TLL1: variants seen among roughly 807,000 people sequenced by gnomAD.
The protein encoded by TLL1 is tolloid-like protein 1.
TLL1 carries 49 observed loss-of-function variants against 128.2 expected under a neutral mutation model. The observed-to-expected ratio is 0.38, with a 90% CI of 0.30 to 0.48. The LOEUF (loss-of-function observed/expected upper bound fraction) is 0.48, where lower values mean the gene tolerates loss of function less well. TLL1 is among the 20% of genes least tolerant of loss of function. TLL1 has a pLI of 0.96. For synonymous variants in TLL1, 454 were observed against 418.8 expected (o/e 1.08, Z -1.03); for missense variants, 1,123 against 1,242.0 (o/e 0.90, Z 1.44).
intron 1 of TLL1, among the ~76,000 whole-genome samples, chr4:165,929,321 G>A (rs1284157508): frequency 6.6e-6 from 1 of 152,058 alleles, no homozygotes; most frequent in East Asian, 1.9e-4. Flanking sequence ...GGCGGATCAC[G>A]AGGTCAAGAG....
intron 1 of TLL1, among the ~76,000 whole-genome samples, chr4:165,954,809 T>C (rs1734701288): frequency 6.6e-6 from 1 of 152,056 alleles, no homozygotes; most frequent in African/African-American, 2.4e-5. Context: ...CCCCATCCAA[T>C]TGACAGCAAC....
At chr4:166,087,995 T>C (rs1196090669) in intron 18 of TLL1, among the ~76,000 whole-genome samples, 2 of 152,150 alleles carry the variant, frequency 1.3e-5, no homozygotes, top group Non-Finnish European at 2.9e-5. Context: ...CCTGAAATTA[T>C]AGAAATATAA....
intron 1 of TLL1, among the ~76,000 whole-genome samples, chr4:165,878,365 A>AT (rs112754677): frequency 0.044 from 6,542 of 147,630 alleles, 435 homozygotes; most frequent in African/African-American, 0.15. Context: ...TCAGATCTTG[A>AT]TTTTTTTTTT....
At chr4:166,002,071 G>A (rs189689941) in intron 5 of TLL1, among the ~76,000 whole-genome samples, 1 of 152,226 alleles carries the variant, frequency 6.6e-6, no homozygotes, top group East Asian at 1.9e-4. Flanking sequence ...AGACTGGGTG[G>A]CTTTTAAACA....
chr4:166,056,309 A>C (rs1166550586), intron 13 of TLL1, among the ~76,000 whole-genome samples: 1 of 151,976 alleles, frequency 6.6e-6, no homozygotes, highest in Non-Finnish European at 1.5e-5. Context: ...GATGTTTACT[A>C]TTTGTCTAAC....
chr4:165,896,389 A>G (rs531692360), intron 1 of TLL1, among the ~76,000 whole-genome samples: 2 of 152,056 alleles, frequency 1.3e-5, no homozygotes, highest in Non-Finnish European at 2.9e-5. Context: ...GCTGCAATAA[A>G]CATACGTGTG....
rs372046543 is a variant in TLL1 at position 165,975,155 on chromosome 4, G to A, written c.170-14226G>A. ...GCTACCCACAGGAAGTGGGTTTGGC[G>A]ATGGATGAGGCAGCTTTTCAGCCAA... On this transcript the variant is annotated intron_variant, in intron 1 of 20. Transcript: ENST00000061240. Among the ~76,000 whole-genome samples, 167 of 152,288 alleles carry A rather than the reference G, an allele frequency of 1.1e-3. 1 individual carries two copies. The highest frequency in any genetic ancestry group is 3.8e-3 in the African/African-American group (159 of 41,560).
intron 1 of TLL1, among the ~76,000 whole-genome samples, chr4:165,973,325 G>A (rs1735713305): frequency 6.6e-6 from 1 of 151,826 alleles, no homozygotes; most frequent in Non-Finnish European, 1.5e-5. Flanking sequence ...ATCAAATCCT[G>A]TATCCCAGGA....
intron 19 of TLL1, among the ~76,000 whole-genome samples, chr4:166,097,062 A>G (rs945650019): frequency 2.6e-5 from 4 of 152,210 alleles, no homozygotes; most frequent in African/African-American, 4.8e-5. Context: ...TTTTTCATAT[A>G]TGAACCTAAG....
chr4:165,969,315 A>G (rs970697067), intron 1 of TLL1, among the ~76,000 whole-genome samples: 2 of 152,110 alleles, frequency 1.3e-5, no homozygotes, highest in African/African-American at 4.8e-5. Context: ...TGAAATGCTT[A>G]AGTAGTCTAT....
intron 1 of TLL1, among the ~76,000 whole-genome samples, chr4:165,978,734 G>T (rs1215844234): frequency 6.6e-6 from 1 of 152,096 alleles, no homozygotes; most frequent in Non-Finnish European, 1.5e-5. Flanking sequence ...GTTGTAAATT[G>T]GATTCTGCAA....
chr4:165,897,336 C>T (rs960480944), intron 1 of TLL1, among the ~76,000 whole-genome samples: 2 of 152,136 alleles, frequency 1.3e-5, no homozygotes, highest in Admixed American at 6.5e-5. Flanking sequence ...CTTAGGTTTT[C>T]TTCTAAGGTT....
intron 12 of TLL1, among the ~76,000 whole-genome samples, chr4:166,053,910 T>C (rs1739876144): frequency 6.6e-6 from 1 of 152,168 alleles, no homozygotes; most frequent in African/African-American, 2.4e-5. Context: ...TCAACTTCTG[T>C]GAAAGGTGAA....
At chr4:166,040,907 G>A (rs950189204) in intron 10 of TLL1, among the ~76,000 whole-genome samples, 5 of 152,150 alleles carry the variant, frequency 3.3e-5, no homozygotes, top group Non-Finnish European at 7.3e-5. Flanking sequence ...CACAAAAATG[G>A]ATAACATGTT....
chr4:165,944,761 G>A (rs139580284), intron 1 of TLL1, among the ~76,000 whole-genome samples: 2,090 of 152,006 alleles, frequency 0.014, 52 homozygotes, highest in African/African-American at 0.047. Flanking sequence ...ATTGAAACTG[G>A]GAGAAGATAA....
chr4:165,911,161 C>T (rs1732510596), intron 1 of TLL1, among the ~76,000 whole-genome samples: 1 of 152,072 alleles, frequency 6.6e-6, no homozygotes. Context: ...GTTTTGTTGC[C>T]CATTAACCAA....
In TLL1 at chr4:165,998,625, C is replaced by T. The variant is rs554115337; in HGVS notation, c.632+3447C>T. ...TGGCTAACATGGTGAAACCCCGTCT[C>T]TACTAAAAATACAAAAAAAAAATTA... On this transcript the variant is annotated intron_variant, in intron 5 of 20. Coordinates refer to ENST00000061240, the MANE Select transcript of TLL1 (RefSeq NM_012464.5). Among the ~76,000 whole-genome samples the T allele has an allele frequency of 1.8e-3, 271 of 151,514 alleles. 1 individual carries two copies. Among genetic ancestry groups the T allele is most frequent in the African/African-American group, 6.2e-3 (255 of 41,158 alleles).
intron 1 of TLL1, among the ~76,000 whole-genome samples, chr4:165,949,209 G>C (rs1305369876): frequency 6.6e-6 from 1 of 152,066 alleles, no homozygotes; most frequent in Non-Finnish European, 1.5e-5. Context: ...GTAATATAAA[G>C]ATTTGAGGAA....
intron 3 of TLL1, 27 bp downstream of exon 3, chr4:165,992,911 G>A (rs375840245): frequency 1.9e-5 from 29 of 1,564,224 alleles, no homozygotes; most frequent in East Asian, 9.0e-5. Flanking sequence ...AGTTGCAGAC[G>A]CTTGACTTGA....
Sources: allele counts gnomAD v4.1 joint callset (sites outside exome capture counted in the v4.1 genomes callset), GRCh38; gene constraint gnomAD v4.1.1; transcripts MANE v1.5; gene names NCBI Gene and HGNC (gene_info 2026-07-23, HGNC 2026-07-21).